Variants in FHIT observed in about 807,000 individuals in gnomAD.
The protein encoded by FHIT is fragile histidine triad diadenosine triphosphatase.
A neutral mutation model predicts 17.9 loss-of-function variants in FHIT; 19 were observed. That is an observed-to-expected ratio of 1.06 (90% CI 0.74 to 1.56). The LOEUF (loss-of-function observed/expected upper bound fraction) is 1.56. Ranked by LOEUF, FHIT falls within the 40% of genes most tolerant of loss-of-function variation. The pLI is 0.00. For synonymous variants in FHIT, 81 were observed against 69.7 expected (o/e 1.16, Z -0.81); for missense variants, 248 against 189.2 (o/e 1.31, Z -1.82).
At chr3:59,806,647 T>C (rs28444511) in intron 8 of FHIT, among the ~76,000 whole-genome samples, 12,695 of 148,182 alleles carry the variant, frequency 0.086, 644 homozygotes, top group Non-Finnish European at 0.12. Context: ...TATATATATA[T>C]ACATATATAT....
chr3:60,825,471 C>A (rs1553740637), intron 3 of FHIT, among the ~76,000 whole-genome samples: 1 of 152,230 alleles, frequency 6.6e-6, no homozygotes, highest in Admixed American at 6.5e-5. Flanking sequence ...CATTATAGGT[C>A]GGGGTCCCCA....
chr3:61,112,976 CCTAT>C (rs1381365420), intron 2 of FHIT, among the ~76,000 whole-genome samples: 1 of 151,846 alleles, frequency 6.6e-6, no homozygotes. Flanking sequence ...TCATTCATGG[CCTAT>C]CTTTGAACAC....
intron 5 of FHIT, among the ~76,000 whole-genome samples, chr3:60,222,653 A>G (rs1704015597): frequency 6.6e-6 from 1 of 152,090 alleles, no homozygotes; most frequent in Non-Finnish European, 1.5e-5. Flanking sequence ...GCTGGGTTAA[A>G]ATATTATTTT....
At chr3:60,136,856 G>C (rs1211261398) in intron 5 of FHIT, among the ~76,000 whole-genome samples, 2 of 144,462 alleles carry the variant, frequency 1.4e-5, no homozygotes, top group Non-Finnish European at 3.0e-5. Context: ...CTATGGATTA[G>C]TAACAGTCTG....
chr3:59,984,744 T>C (rs562894604), intron 7 of FHIT, among the ~76,000 whole-genome samples: 1 of 152,178 alleles, frequency 6.6e-6, no homozygotes, highest in African/African-American at 2.4e-5. Context: ...AAGTTTGAGT[T>C]TTCTTCTAGA....
chr3:61,075,524 G>C (rs576780976), intron 2 of FHIT, among the ~76,000 whole-genome samples: 1 of 151,964 alleles, frequency 6.6e-6, no homozygotes. Context: ...ATTAAAAAAA[G>C]ATAAAACCCT....
In FHIT at chr3:59,762,978, G is replaced by A. The variant is rs747325365; in HGVS notation, c.349-10657C>T. On this transcript the variant is annotated intron_variant, in intron 8 of 9. Coordinates refer to ENST00000492590, the MANE Select transcript of FHIT (RefSeq NM_002012.4). ...GGAGGTTTGTGATGAAGCAGACTTC[G>A]GAGAAGGAAGCATTTATTCAAAAAG... Among the ~76,000 whole-genome samples the A allele has an allele frequency of 1.2e-4, 18 of 152,296 alleles. No homozygotes were observed. In the East Asian group the frequency reaches 1.5e-3, roughly 13 times the overall value.
chr3:60,501,626 G>A (rs890858364), intron 5 of FHIT, among the ~76,000 whole-genome samples: 3 of 152,196 alleles, frequency 2.0e-5, no homozygotes, highest in Non-Finnish European at 2.9e-5. Flanking sequence ...TCCTTAGAGT[G>A]AGAAATCATG....
chr3:60,250,744 C>A (rs1215796998), intron 5 of FHIT, among the ~76,000 whole-genome samples: 1 of 152,038 alleles, frequency 6.6e-6, no homozygotes, highest in Non-Finnish European at 1.5e-5. Context: ...ACCCACTACT[C>A]CAAAGTACCT....
intron 7 of FHIT, among the ~76,000 whole-genome samples, chr3:59,992,908 C>T (rs1383004897): frequency 6.6e-6 from 1 of 152,116 alleles, no homozygotes; most frequent in Non-Finnish European, 1.5e-5. Context: ...CTACCACACA[C>T]TTGCCAACTT....
At chr3:59,786,092 G>A (rs1699277008) in intron 8 of FHIT, among the ~76,000 whole-genome samples, 1 of 152,146 alleles carries the variant, frequency 6.6e-6, no homozygotes. Flanking sequence ...GGGTGAAATG[G>A]GGGTAAGGAG....
intron 3 of FHIT, among the ~76,000 whole-genome samples, chr3:60,926,738 A>T (rs1707638721): frequency 6.6e-6 from 1 of 152,202 alleles, no homozygotes; most frequent in South Asian, 2.1e-4. Context: ...GACACAAAAA[A>T]CCCTTCAAAA....
chr3:60,681,509 T>C (rs1192166129), intron 4 of FHIT, among the ~76,000 whole-genome samples: 5 of 152,134 alleles, frequency 3.3e-5, no homozygotes, highest in Non-Finnish European at 7.3e-5. Flanking sequence ...TAGAAATGAT[T>C]AAGCTTGGCG....
chr3:59,963,397 G>A (rs1206585018), intron 7 of FHIT, among the ~76,000 whole-genome samples: 2 of 152,052 alleles, frequency 1.3e-5, no homozygotes, highest in East Asian at 3.9e-4. Context: ...GAATTCTAAA[G>A]GTTAAATGCT....
intron 5 of FHIT, among the ~76,000 whole-genome samples, chr3:60,097,976 T>A (rs1704031698): frequency 6.6e-6 from 1 of 151,230 alleles, no homozygotes; most frequent in Non-Finnish European, 1.5e-5. Context: ...TTGGTTTTTT[T>A]GTCCTTGCCA....
intron 5 of FHIT, among the ~76,000 whole-genome samples, chr3:60,141,069 TAGC>T (rs1211345266): frequency 6.6e-6 from 1 of 152,180 alleles, no homozygotes; most frequent in Non-Finnish European, 1.5e-5. Flanking sequence ...AATGACTAAA[TAGC>T]AGAAGAATGA....
At chr3:60,405,077 T>C (rs1040146028) in intron 5 of FHIT, among the ~76,000 whole-genome samples, 17 of 152,154 alleles carry the variant, frequency 1.1e-4, no homozygotes, top group African/African-American at 4.1e-4. Context: ...GCCAAATGCC[T>C]AGGAAGATGG....
At chr3:60,363,425 A>G (rs1248104936) in intron 5 of FHIT, among the ~76,000 whole-genome samples, 1 of 152,216 alleles carries the variant, frequency 6.6e-6, no homozygotes, top group South Asian at 2.1e-4. Context: ...GCTACAATGT[A>G]TTGAGCACAT....
rs1459071641 is a variant in FHIT at position 59,870,220 on chromosome 3, T to C, written c.348+52126A>G. Among the ~76,000 whole-genome samples the C allele has an allele frequency of 3.3e-5, 5 of 152,174 alleles. No homozygotes were observed. The East Asian group carries it at 9.6e-4, about 29-fold the overall frequency. ...GGCACCGAGTCTCTCCAAGGCTCTG[T>C]GATAAATACTACTCTTGTGTGACCT... On this transcript the variant is annotated intron_variant, in intron 8 of 9. Transcript: ENST00000492590.
Sources: allele counts gnomAD v4.1 joint callset (sites outside exome capture counted in the v4.1 genomes callset), GRCh38; gene constraint gnomAD v4.1.1; transcripts MANE v1.5; gene names NCBI Gene and HGNC (gene_info 2026-07-23, HGNC 2026-07-21).